The following CELF4 variants were observed in gnomAD, a reference collection of about 807,000 sequenced individuals.
CELF4 encodes CUGBP Elav-like family member 4, also known as CUG-BP- and ETR-3-like factor 4.
CELF4 carries 18 observed loss-of-function variants against 59.9 expected under a neutral mutation model. That is an observed-to-expected ratio of 0.30 (90% CI 0.21 to 0.45). The LOEUF (loss-of-function observed/expected upper bound fraction) is 0.45, where lower values mean the gene tolerates loss of function less well. CELF4 is among the 20% of genes least tolerant of loss of function. The probability of loss-of-function intolerance (pLI) is 1.00; values close to 1 mark genes in which losing one functional copy is unlikely to be tolerated. For missense variants in CELF4, 456 were observed against 689.0 expected (o/e 0.66, Z 3.79); for synonymous variants, 261 against 267.1 (o/e 0.98, Z 0.22).
intron 2 of CELF4, among the ~76,000 whole-genome samples, chr18:37,429,894 C>T (rs1161721945): frequency 2.0e-5 from 3 of 152,178 alleles, no homozygotes; most frequent in Non-Finnish European, 2.9e-5. Flanking sequence ...CTGTGTCAGG[C>T]ACACACCTGC....
chr18:37,560,869 T>C (rs890992820), intron 1 of CELF4, among the ~76,000 whole-genome samples: 2 of 152,216 alleles, frequency 1.3e-5, no homozygotes, highest in Non-Finnish European at 2.9e-5. Flanking sequence ...TTCAGTGTTC[T>C]GAGAATTATT....
At chr18:37,495,876 C>T (rs2099924623) in intron 1 of CELF4, among the ~76,000 whole-genome samples, 2 of 151,892 alleles carry the variant, frequency 1.3e-5, no homozygotes, top group South Asian at 2.1e-4. Context: ...TTGGGGGGTG[C>T]GATGGGCTTC....
chr18:37,478,508 TC>T (rs1338510788), intron 2 of CELF4, among the ~76,000 whole-genome samples: 1 of 151,818 alleles, frequency 6.6e-6, no homozygotes, highest in African/African-American at 2.4e-5. Context: ...CCTATGAGAG[TC>T]AAGAGTCACT....
intron 3 of CELF4, among the ~76,000 whole-genome samples, chr18:37,319,817 G>A (rs943536905): frequency 3.3e-5 from 5 of 152,262 alleles, no homozygotes; most frequent in Admixed American, 1.3e-4. Context: ...GCCTGGGCCT[G>A]GGCCAGGGGA....
At chr18:37,502,388 G>A (rs1193577605) in intron 1 of CELF4, among the ~76,000 whole-genome samples, 1 of 152,184 alleles carries the variant, frequency 6.6e-6, no homozygotes, top group African/African-American at 2.4e-5. Context: ...GAGGGAGGAA[G>A]GAAGGGGGGG....
chr18:37,423,567 T>C (rs374357965), intron 2 of CELF4, among the ~76,000 whole-genome samples: 3 of 152,028 alleles, frequency 2.0e-5, no homozygotes, highest in East Asian at 1.9e-4. Flanking sequence ...CCTGGCCTGG[T>C]GTTCTTCTTC....
intron 2 of CELF4, among the ~76,000 whole-genome samples, chr18:37,396,207 C>G (rs1216981051): frequency 1.3e-5 from 2 of 152,212 alleles, no homozygotes; most frequent in Non-Finnish European, 2.9e-5. Flanking sequence ...TTTGGATGTG[C>G]TAGTGGATGT....
intron 2 of CELF4, among the ~76,000 whole-genome samples, chr18:37,348,090 C>T (rs1020278373): frequency 2.0e-5 from 3 of 152,164 alleles, no homozygotes; most frequent in Admixed American, 6.5e-5. Context: ...TGGCCCTGTG[C>T]CCTGCATCCC....
chr18:37,489,792 G>A (rs1226408204), intron 1 of CELF4, among the ~76,000 whole-genome samples: 1 of 152,210 alleles, frequency 6.6e-6, no homozygotes, highest in East Asian at 1.9e-4. Context: ...GTGTGGGAGA[G>A]AGGCTAGAAC....
intron 3 of CELF4, 131 bp downstream of exon 3, chr18:37,321,672 A>T (rs1313765949): frequency 2.3e-5 from 15 of 649,322 alleles, no homozygotes; most frequent in Non-Finnish European, 3.2e-5. Context: ...TCTGTCCCCA[A>T]CCCTCAGCCA....
chr18:37,299,479 G>A (rs937167070), intron 3 of CELF4, among the ~76,000 whole-genome samples: 2 of 151,996 alleles, frequency 1.3e-5, no homozygotes, highest in African/African-American at 2.4e-5. Flanking sequence ...GGGAGCCTTG[G>A]GCCACGTGGA....
chr18:37,286,804 T>A (rs1172795017), intron 3 of CELF4, among the ~76,000 whole-genome samples: 1 of 152,136 alleles, frequency 6.6e-6, no homozygotes, highest in Non-Finnish European at 1.5e-5. Flanking sequence ...CTAGCGACCC[T>A]GGGTTGGGAG....
At chr18:37,401,083 C>T (rs975301187) in intron 2 of CELF4, among the ~76,000 whole-genome samples, 11 of 152,170 alleles carry the variant, frequency 7.2e-5, no homozygotes, top group African/African-American at 2.7e-4. Context: ...TACTGGTTCC[C>T]AGAGAGCTGT....
chr18:37,285,845 T>C (rs2094692947), intron 3 of CELF4, among the ~76,000 whole-genome samples: 1 of 152,194 alleles, frequency 6.6e-6, no homozygotes, highest in African/African-American at 2.4e-5. Context: ...ATCTGCTACA[T>C]TATCCTTACC....
chr18:37,501,597 G>A (rs1024103525), intron 1 of CELF4, among the ~76,000 whole-genome samples: 6 of 152,258 alleles, frequency 3.9e-5, no homozygotes, highest in Admixed American at 3.3e-4. Flanking sequence ...AGGTAAGCTG[G>A]TGTGTGGCCC....
At chr18:37,284,030 C>CAT (rs2094485129) in intron 3 of CELF4, among the ~76,000 whole-genome samples, 3 of 64,192 alleles carry the variant, frequency 4.7e-5, no homozygotes, top group Non-Finnish European at 6.7e-5. Context: ...ACACACCCAA[C>CAT]ACACACACAC....
At chr18:37,512,297 G>A (rs924463579) in intron 1 of CELF4, among the ~76,000 whole-genome samples, 1 of 152,136 alleles carries the variant, frequency 6.6e-6, no homozygotes, top group Admixed American at 6.5e-5. Flanking sequence ...GGGCCGTGTC[G>A]GCCACCCACC....
chr18:37,555,129 C>A (rs950998075), intron 1 of CELF4, among the ~76,000 whole-genome samples: 1 of 152,184 alleles, frequency 6.6e-6, no homozygotes, highest in African/African-American at 2.4e-5. Context: ...CAGTATATCC[C>A]ACCCCAGGAA....
intron 11 of CELF4, among the ~76,000 whole-genome samples, chr18:37,256,474 A>C (rs565407441): frequency 2.4e-4 from 37 of 152,230 alleles, no homozygotes; most frequent in Non-Finnish European, 4.7e-4. Context: ...CCCTGGGGCG[A>C]TGATTAAAAT....
Sources: gnomAD v4.1 joint callset for allele counts (sites outside exome capture counted in the v4.1 genomes callset) on GRCh38, gnomAD v4.1.1 for gene constraint, MANE v1.5 for transcripts, NCBI Gene and HGNC (gene_info 2026-07-23, HGNC 2026-07-21) for gene names.